Variants in SCFD2 observed in about 807,000 individuals in gnomAD.
SCFD2 encodes the protein sec1 family domain-containing protein 2.
In SCFD2, 54 loss-of-function variants were observed where a neutral mutation model predicts 58.9. That is an observed-to-expected ratio of 0.92 (90% CI 0.74 to 1.15). The LOEUF (loss-of-function observed/expected upper bound fraction) is 1.15. Among genes scored for constraint, SCFD2 ranks in the 50% most tolerant of loss-of-function variants. The probability of loss-of-function intolerance (pLI) is 0.00; values close to 1 mark genes in which losing one functional copy is unlikely to be tolerated. For missense variants in SCFD2, 805 were observed against 836.6 expected, an observed-to-expected ratio of 0.96 and a Z score of 0.47; for synonymous variants, 321 against 335.9, an observed-to-expected ratio of 0.96 and a Z score of 0.49.
chr4:53,213,819 C>T (rs13122159), intron 4 of SCFD2, among the ~76,000 whole-genome samples: 31,691 of 151,956 alleles, frequency 0.21, 3,755 homozygotes, highest in Non-Finnish European at 0.28. Context: ...CACCACCCCA[C>T]GACAGGCCCT....
chr4:53,123,536 G>C (rs1251040473), intron 5 of SCFD2, among the ~76,000 whole-genome samples: 1 of 135,990 alleles, frequency 7.4e-6, no homozygotes, highest in South Asian at 2.7e-4. Flanking sequence ...TGGGGGTGGG[G>C]GGGGGGCACT....
intron 5 of SCFD2, among the ~76,000 whole-genome samples, chr4:53,045,042 G>T (rs530157092): frequency 6.6e-6 from 1 of 151,808 alleles, no homozygotes; most frequent in South Asian, 2.1e-4. Context: ...TAACAAATCT[G>T]CCATCTGCAT....
intron 4 of SCFD2, among the ~76,000 whole-genome samples, chr4:53,204,341 C>T (rs563868214): frequency 9.9e-5 from 15 of 151,788 alleles, no homozygotes; most frequent in Non-Finnish European, 1.6e-4. Flanking sequence ...AAATTACATC[C>T]TTGAAAAACT....
intron 5 of SCFD2, among the ~76,000 whole-genome samples, chr4:53,047,612 C>T (rs1723075260): frequency 6.6e-6 from 1 of 152,202 alleles, no homozygotes. Flanking sequence ...ACACTTCTAT[C>T]AGGTGACTGA....
At chr4:53,154,789 A>G (rs1293112033) in intron 4 of SCFD2, among the ~76,000 whole-genome samples, 1 of 152,214 alleles carries the variant, frequency 6.6e-6, no homozygotes, top group African/African-American at 2.4e-5. Flanking sequence ...GGCCAATCTA[A>G]TCATATGAGT....
intron 1 of SCFD2, among the ~76,000 whole-genome samples, chr4:53,358,720 A>G (rs1263846075): frequency 6.6e-6 from 1 of 152,350 alleles, no homozygotes; most frequent in East Asian, 1.9e-4. Context: ...CATGAAAGGA[A>G]ACCAAACTCA....
At chr4:53,341,245 T>C (rs1479170059) in intron 2 of SCFD2, among the ~76,000 whole-genome samples, 2 of 152,090 alleles carry the variant, frequency 1.3e-5, no homozygotes, top group East Asian at 3.9e-4. Flanking sequence ...GAATAACCAG[T>C]GTAGAGAAGT....
chr4:53,202,434 T>G, intron 4 of SCFD2, among the ~76,000 whole-genome samples: 1 of 150,876 alleles, frequency 6.6e-6, no homozygotes, highest in Non-Finnish European at 1.5e-5. Flanking sequence ...TGTAGCCTTG[T>G]AGTATAGTTT....
At position 53,354,231 on chromosome 4, in the gene SCFD2, C is replaced by T. The variant is rs146166931; in HGVS notation, c.839-1465G>A. Among the ~76,000 whole-genome samples the T allele has an allele frequency of 9.7e-3, 1,475 of 152,306 alleles. 26 individuals are homozygous for T. The highest frequency in any genetic ancestry group is 0.033 in the African/African-American group (1,390 of 41,572). ...GCTGCAGGTACCAAGCCCTGCCCCG[C>T]GGGGAGGTGGCTGAGGCCTGGCGAG... On this transcript the variant is annotated intron_variant, in intron 1 of 8. Transcript: ENST00000401642.
At chr4:52,981,067 C>G (rs996009695) in intron 5 of SCFD2, among the ~76,000 whole-genome samples, 4 of 152,200 alleles carry the variant, frequency 2.6e-5, no homozygotes, top group African/African-American at 9.6e-5. Context: ...TTCTGCGGTC[C>G]ACTGATTTAA....
In SCFD2 at chr4:53,324,316, G is replaced by A. The variant is rs562144125; in HGVS notation, c.1008-10553C>T. On this transcript the variant is annotated intron_variant, in intron 2 of 8. Transcript: ENST00000401642. Reference sequence around the variant, plus strand: ...ACATGTAGTCCTAGCTACTTAAAAGGCTGAAACAAGAGGATCGCTTGAGTC... The same window carrying A: ...ACATGTAGTCCTAGCTACTTAAAAGACTGAAACAAGAGGATCGCTTGAGTC... Among the ~76,000 whole-genome samples the A allele has an allele frequency of 2.9e-4, 44 of 151,010 alleles. 1 individual carries two copies. Among genetic ancestry groups the A allele is most frequent in the Middle Eastern group, 7.0e-3 (2 of 286 alleles).
chr4:53,354,105 C>T (rs531766781), intron 1 of SCFD2, among the ~76,000 whole-genome samples: 6 of 152,382 alleles, frequency 3.9e-5, no homozygotes, highest in East Asian at 1.9e-4. Flanking sequence ...CTTGGGCCGT[C>T]GATGGGACAG....
At chr4:52,956,210 C>G (rs960051611) in intron 5 of SCFD2, 3 of 456,590 alleles carry the variant, frequency 6.6e-6, no homozygotes, top group Admixed American at 4.7e-5. Flanking sequence ...CAGCCATCTC[C>G]CCTACATCCT....
intron 3 of SCFD2, among the ~76,000 whole-genome samples, chr4:53,278,085 C>T (rs1230543740): frequency 1.4e-5 from 2 of 147,536 alleles, no homozygotes; most frequent in Admixed American, 6.7e-5. Flanking sequence ...AAACAGTCCT[C>T]GCCAGGCGCA....
intron 5 of SCFD2, among the ~76,000 whole-genome samples, chr4:52,994,476 A>G (rs953441365): frequency 2.0e-5 from 3 of 152,156 alleles, no homozygotes; most frequent in Non-Finnish European, 4.4e-5. Context: ...TAGAGGGTGG[A>G]CGGCAAGCCC....
chr4:53,307,412 T>A (rs1479683996), intron 3 of SCFD2, among the ~76,000 whole-genome samples: 4 of 152,150 alleles, frequency 2.6e-5, no homozygotes, highest in African/African-American at 9.7e-5. Context: ...CCTCCCCCAA[T>A]CCCTAGTTGT....
At chr4:53,179,572 C>T (rs1727470075) in intron 4 of SCFD2, among the ~76,000 whole-genome samples, 1 of 152,164 alleles carries the variant, frequency 6.6e-6, no homozygotes, top group Admixed American at 6.5e-5. Flanking sequence ...ACCATTGATG[C>T]CATGAAGAAA....
chr4:53,333,992 AT>A (rs1217344671), intron 2 of SCFD2, among the ~76,000 whole-genome samples: 1 of 151,252 alleles, frequency 6.6e-6, no homozygotes, highest in East Asian at 1.9e-4. Context: ...CAAAAAACAC[AT>A]GAAAAAATGC....
chr4:53,256,697 A>C (rs1730647448), intron 4 of SCFD2, among the ~76,000 whole-genome samples: 1 of 152,016 alleles, frequency 6.6e-6, no homozygotes, highest in Admixed American at 6.6e-5. Context: ...CAACACAGCA[A>C]AACCCTGTCT....
Sources: gnomAD v4.1 joint callset for allele counts (sites outside exome capture counted in the v4.1 genomes callset) on GRCh38, gnomAD v4.1.1 for gene constraint, MANE v1.5 for transcripts, NCBI Gene and HGNC (gene_info 2026-07-23, HGNC 2026-07-21) for gene names.